Variants in PAIP2B observed in about 807,000 individuals in gnomAD.
PAIP2B encodes the protein polyadenylate-binding protein-interacting protein 2B.
Under a neutral mutation model 17.0 loss-of-function variants are expected in PAIP2B, and 13 were observed. The ratio of observed to expected loss-of-function variants is 0.76; its 90% CI spans 0.50 to 1.22. The LOEUF is 1.22. PAIP2B is among the 50% of genes most tolerant of loss of function. The pLI, the probability that PAIP2B is intolerant of heterozygous loss-of-function variation, is 0.00. For missense variants in PAIP2B, 117 were observed against 144.5 expected, an observed-to-expected ratio of 0.81 and a Z score of 0.98; for synonymous variants, 43 against 48.7, an observed-to-expected ratio of 0.88 and a Z score of 0.48.
rs111838820 is a variant in PAIP2B, at chr2:71,194,076, T to C, written c.139-4055A>G. On this transcript the variant is annotated intron_variant, in intron 2 of 3. Transcript: ENST00000244221. ...GTCTCTGTTCTGTTCCACTGGTTTA[T>C]GTGCCTGCTTTTGTACCAGTACCAT... Among the ~76,000 whole-genome samples the C allele has an allele frequency of 0.056, 8,489 of 152,248 alleles. 981 individuals carry two copies. The East Asian group carries it at 0.56, about 10-fold the overall frequency.
At chr2:71,221,182 C>A (rs1675571043) in intron 1 of PAIP2B, among the ~76,000 whole-genome samples, 1 of 152,192 alleles carries the variant, frequency 6.6e-6, no homozygotes, top group Non-Finnish European at 1.5e-5. Flanking sequence ...TGTGACATGC[C>A]CTCTGGCCAA....
chr2:71,185,701 C>T lies in PAIP2B; in HGVS notation c.*2778G>A, dbSNP rs1378926994. On this transcript the variant is annotated 3_prime_UTR_variant, in exon 4 of 4. Coordinates refer to ENST00000244221, the MANE Select transcript of PAIP2B (RefSeq NM_020459.1). ...CCCTTATGTGATTCCCAAAACTCAA[C>T]TATTATTGTCAGAAACTGGCCCAAA... 5 of 152,052 alleles carry T rather than the reference C, an allele frequency of 3.3e-5. No homozygotes were observed. The highest frequency in any genetic ancestry group is 7.4e-5 in the Non-Finnish European group (5 of 68,010). 9.4% of individuals were successfully genotyped at this position (152,052 alleles called of 1,614,324 possible).
chr2:71,226,622 G>A (rs927949547), intron 1 of PAIP2B, among the ~76,000 whole-genome samples: 1 of 152,104 alleles, frequency 6.6e-6, no homozygotes, highest in Non-Finnish European at 1.5e-5. Flanking sequence ...TTAGGAGGAC[G>A]CTGAGGGGAG....
At chr2:71,218,899 A>T (rs1675501790) in intron 1 of PAIP2B, among the ~76,000 whole-genome samples, 1 of 151,780 alleles carries the variant, frequency 6.6e-6, no homozygotes, top group African/African-American at 2.4e-5. Context: ...TGGCAGAATT[A>T]AAGGTTTTTC....
chr2:71,208,293 A>G (rs925833422), intron 1 of PAIP2B, among the ~76,000 whole-genome samples: 1 of 152,178 alleles, frequency 6.6e-6, no homozygotes, highest in South Asian at 2.1e-4. Flanking sequence ...ATGTGGTGGT[A>G]CATGCCAGTA....
At chr2:71,198,315 T>C (rs1674880955) in intron 2 of PAIP2B, among the ~76,000 whole-genome samples, 1 of 147,168 alleles carries the variant, frequency 6.8e-6, no homozygotes, top group South Asian at 2.2e-4. Context: ...AGACAGAGTC[T>C]CGCTCTGTCG....
intron 1 of PAIP2B, among the ~76,000 whole-genome samples, chr2:71,209,196 G>C (rs1191728076): frequency 6.6e-6 from 1 of 152,194 alleles, no homozygotes; most frequent in African/African-American, 2.4e-5. Context: ...AATCGTAGGT[G>C]ATACCAAGTA....
intron 2 of PAIP2B, among the ~76,000 whole-genome samples, chr2:71,193,340 T>C (rs940861525): frequency 6.6e-6 from 1 of 152,220 alleles, no homozygotes; most frequent in Admixed American, 6.5e-5. Context: ...TATCAGACCT[T>C]TGTCATATGC....
intron 2 of PAIP2B, among the ~76,000 whole-genome samples, chr2:71,199,458 T>G (rs1194774755): frequency 2.0e-5 from 3 of 152,028 alleles, no homozygotes; most frequent in African/African-American, 7.2e-5. Flanking sequence ...ATTTTACAAT[T>G]CACTAAGCAT....
chr2:71,211,084 TA>T (rs1675283245), intron 1 of PAIP2B, among the ~76,000 whole-genome samples: 1 of 152,022 alleles, frequency 6.6e-6, no homozygotes, highest in Non-Finnish European at 1.5e-5. Flanking sequence ...CCGTCTCTAC[TA>T]AAAATACAAA....
At chr2:71,211,406 G>A (rs1228253613) in intron 1 of PAIP2B, among the ~76,000 whole-genome samples, 2 of 152,002 alleles carry the variant, frequency 1.3e-5, no homozygotes, top group Non-Finnish European at 2.9e-5. Context: ...CTGAGCCAAG[G>A]CCCAATTTTT....
intron 2 of PAIP2B, among the ~76,000 whole-genome samples, chr2:71,194,686 T>TA (rs1292444242): frequency 6.6e-6 from 1 of 152,176 alleles, no homozygotes; most frequent in African/African-American, 2.4e-5. Context: ...TGCAAACAGA[T>TA]ATAGTATGAC....
intron 1 of PAIP2B, among the ~76,000 whole-genome samples, chr2:71,206,105 G>A (rs560405343): frequency 3.7e-4 from 57 of 152,266 alleles, no homozygotes; most frequent in African/African-American, 1.3e-3. Flanking sequence ...TAATCTTTGG[G>A]GAAAGTTGTC....
chr2:71,215,846 T>C (rs1486945371), intron 1 of PAIP2B, among the ~76,000 whole-genome samples: 1 of 152,212 alleles, frequency 6.6e-6, no homozygotes, highest in African/African-American at 2.4e-5. Flanking sequence ...ACTTTATATA[T>C]CTGTGTATCT....
chr2:71,215,735 C>T (rs1257812035), intron 1 of PAIP2B, among the ~76,000 whole-genome samples: 2 of 152,210 alleles, frequency 1.3e-5, no homozygotes, highest in Admixed American at 6.5e-5. Context: ...TTCTCTTCAA[C>T]GCAAAGATTC....
chr2:71,207,016 A>G (rs532917760), intron 1 of PAIP2B, among the ~76,000 whole-genome samples: 53 of 152,290 alleles, frequency 3.5e-4, no homozygotes, highest in African/African-American at 1.2e-3. Context: ...TCACTCATTA[A>G]TATCTGAGTG....
rs2103736028 is a variant in PAIP2B, at chr2:71,185,558, AC to A, written c.*2920del. 6.8e-6 allele frequency: 1 copy of A among 147,546 alleles called. No individual in the cohort carries two copies. The highest frequency in any genetic ancestry group is 6.8e-5 in the Admixed American group (1 of 14,774). The allele number at this position is 147,546 out of a possible 1,614,324, so 9.1% of individuals were successfully genotyped here. On this transcript the variant is annotated 3_prime_UTR_variant, in exon 4 of 4. Transcript: ENST00000244221. Reference sequence around the variant, plus strand: ...ACTCCAGCCTGGGTGACAGAGTGAGACTATGTCTCAAAAAAAAAGAAAAAAA... The same window carrying A: ...ACTCCAGCCTGGGTGACAGAGTGAGATATGTCTCAAAAAAAAAGAAAAAAA...
At position 71,188,355 on chromosome 2, in the gene PAIP2B, A is replaced by T; in HGVS notation, c.*124T>A. 1 of 725,262 alleles carries T rather than the reference A, an allele frequency of 1.4e-6. No homozygotes were observed. The highest frequency in any genetic ancestry group is 2.4e-6 in the Non-Finnish European group (1 of 419,970). 44.9% of individuals were successfully genotyped at this position (725,262 alleles called of 1,614,324 possible). A position where few individuals can be genotyped will look rare whatever the true frequency, so the allele number is the denominator to read the frequency against. On this transcript the variant is annotated 3_prime_UTR_variant, in exon 4 of 4. Coordinates refer to ENST00000244221, the MANE Select transcript of PAIP2B (RefSeq NM_020459.1). ...TTACTCAGAGTCACAGTATTGTGAG[A>T]CCACCACTCCCCTTCCCGCTGTGCA...
At chr2:71,211,483 A>T in intron 1 of PAIP2B, among the ~76,000 whole-genome samples, 1 of 152,032 alleles carries the variant, frequency 6.6e-6, no homozygotes, top group Non-Finnish European at 1.5e-5. Flanking sequence ...CTTAAGAACA[A>T]TTCCTCGAAT....
Sources: gnomAD v4.1 joint callset for allele counts (sites outside exome capture counted in the v4.1 genomes callset) on GRCh38, gnomAD v4.1.1 for gene constraint, MANE v1.5 for transcripts, NCBI Gene and HGNC (gene_info 2026-07-23, HGNC 2026-07-21) for gene names.